Variants in NEDD9 observed in about 807,000 individuals in gnomAD.
NEDD9 encodes neural precursor cell expressed, developmentally down-regulated 9.
In NEDD9, 26 loss-of-function variants were observed where a neutral mutation model predicts 76.6. That is an observed-to-expected ratio of 0.34 (90% CI 0.25 to 0.47). The LOEUF is 0.47. Ranked by LOEUF, NEDD9 falls within the 20% of genes least tolerant of loss-of-function variation. The pLI is 1.00. For synonymous variants in NEDD9, 392 were observed against 414.2 expected (o/e 0.95, Z 0.65); for missense variants, 937 against 1,058.5 (o/e 0.89, Z 1.59).
At chr6:11,242,263 T>C (rs1342374809) in intron 3 of NEDD9, among the ~76,000 whole-genome samples, 1 of 152,204 alleles carries the variant, frequency 6.6e-6, no homozygotes, top group Non-Finnish European at 1.5e-5. Flanking sequence ...CGCTCACTGG[T>C]ACCCCTGAGC....
At chr6:11,281,629 C>T (rs961798465) in intron 3 of NEDD9, among the ~76,000 whole-genome samples, 7 of 152,226 alleles carry the variant, frequency 4.6e-5, no homozygotes, top group African/African-American at 7.2e-5. Flanking sequence ...GCTGGGATTA[C>T]AGGCATGAGC....
At chr6:11,287,524 C>CA (rs1760676910) in intron 3 of NEDD9, among the ~76,000 whole-genome samples, 1 of 148,526 alleles carries the variant, frequency 6.7e-6, no homozygotes. Flanking sequence ...GTGCACAAAT[C>CA]CACACACACA....
At chr6:11,236,965 A>G (rs1581976851), upstream of NEDD9, among the ~76,000 whole-genome samples, 1 of 152,134 alleles carries the variant, frequency 6.6e-6, no homozygotes, top group East Asian at 1.9e-4. This position sits in a 1 kb window ranked among gnomAD's most constrained non-coding sequence, Gnocchi z 5.5. Context: ...GTTGCCGGGA[A>G]CTTACTGATT....
chr6:11,252,981 GC>G lies in NEDD9; in HGVS notation c.13-39255del, dbSNP rs1480433970. 1.3e-5 allele frequency among the ~76,000 whole-genome samples: 2 copies of G among 151,994 alleles called. No individual in the cohort carries two copies. The highest frequency in any genetic ancestry group is 3.8e-4 in the East Asian group (2 of 5,200). ...TGTTTTTAATGCTTTCCTGGCAGTT[GC>G]CTAAGAACAAAACATTATCTTGTGG... On this transcript the variant is annotated intron_variant, in intron 3 of 3. Transcript: ENST00000397378. The surrounding 1 kb of genome is among the most constrained non-coding windows in gnomAD (Gnocchi z 4.3).
chr6:11,195,334 A>G (rs1014297400), intron 2 of NEDD9, among the ~76,000 whole-genome samples: 1 of 152,240 alleles, frequency 6.6e-6, no homozygotes, highest in Non-Finnish European at 1.5e-5. Flanking sequence ...GTCTGTTGGC[A>G]TGGAGCATAC....
chr6:11,326,584 C>T lies in NEDD9; in HGVS notation c.-153+7917G>A, dbSNP rs139396889. On this transcript the variant is annotated intron_variant, in intron 2 of 3. Transcript: ENST00000397378. ...TGGACATTCTAGACTTTCAGAGCGG[C>T]ATGGGTGGTGTTTTACATTGTATTT... Among the ~76,000 whole-genome samples the T allele has an allele frequency of 8.4e-3, 1,282 of 152,332 alleles. 7 individuals are homozygous for T. The highest frequency in any genetic ancestry group is 0.013 in the Non-Finnish European group (914 of 68,026).
intron 1 of NEDD9, among the ~76,000 whole-genome samples, chr6:11,350,877 T>G (rs1434064271): frequency 6.6e-6 from 1 of 152,070 alleles, no homozygotes; most frequent in East Asian, 1.9e-4. Context: ...CGGGGGGTGG[T>G]CAGAAAGGCG....
At chr6:11,249,362 G>C in intron 3 of NEDD9, 1 of 355,440 alleles carries the variant, frequency 2.8e-6, no homozygotes, top group Non-Finnish European at 5.5e-6. Context: ...TATAAAGTCT[G>C]TAGAGACCCA....
At chr6:11,200,614 G>A in intron 2 of NEDD9, 1 of 1,107,468 alleles carries the variant, frequency 9.0e-7, no homozygotes. Flanking sequence ...GAGAAATGAA[G>A]ATTTAATCAT....
intron 1 of NEDD9, among the ~76,000 whole-genome samples, chr6:11,373,578 T>C (rs1375070664): frequency 6.6e-6 from 1 of 152,244 alleles, no homozygotes; most frequent in African/African-American, 2.4e-5. Flanking sequence ...TCTGGCTGGC[T>C]TTCCTGCTGA....
intron 2 of NEDD9, among the ~76,000 whole-genome samples, chr6:11,319,865 TACAC>T (rs745780284): frequency 6.6e-6 from 1 of 151,824 alleles, no homozygotes; most frequent in African/African-American, 2.4e-5. Context: ...CACACACTCA[TACAC>T]ACTAACATGC....
chr6:11,262,605 C>A (rs573487521), intron 3 of NEDD9, among the ~76,000 whole-genome samples: 61 of 152,322 alleles, frequency 4.0e-4, no homozygotes, highest in African/African-American at 1.4e-3. Context: ...CAGTGTGGCT[C>A]CACATTTCCA....
At chr6:11,209,322 C>T (rs1436265980) in intron 2 of NEDD9, among the ~76,000 whole-genome samples, 1 of 152,164 alleles carries the variant, frequency 6.6e-6, no homozygotes, top group Non-Finnish European at 1.5e-5. Context: ...GCACAAAACA[C>T]AGAGTGAAAA....
intron 3 of NEDD9, among the ~76,000 whole-genome samples, chr6:11,269,502 C>T (rs2113339372): frequency 6.6e-6 from 1 of 152,272 alleles, no homozygotes; most frequent in African/African-American, 2.4e-5. Context: ...CTTTTCTTTC[C>T]AGAAAATGCA....
At chr6:11,319,335 C>A (rs998091788) in intron 2 of NEDD9, among the ~76,000 whole-genome samples, 3 of 151,686 alleles carry the variant, frequency 2.0e-5, no homozygotes, top group Non-Finnish European at 2.9e-5. Flanking sequence ...TCTCACACAC[C>A]CACACACTCA....
intron 1 of NEDD9, among the ~76,000 whole-genome samples, chr6:11,342,487 A>G (rs1439893062): frequency 6.6e-6 from 1 of 152,232 alleles, no homozygotes; most frequent in East Asian, 1.9e-4. Flanking sequence ...GCTCATCAGA[A>G]ACAGTAGAGG....
intron 5 of NEDD9, among the ~76,000 whole-genome samples, chr6:11,189,172 C>G (rs1408070278): frequency 6.6e-6 from 1 of 152,182 alleles, no homozygotes; most frequent in Non-Finnish European, 1.5e-5. Context: ...GTCTTGAACT[C>G]CTGACCTTGT....
chr6:11,299,196 C>T (rs201187534), intron 3 of NEDD9, among the ~76,000 whole-genome samples: 140 of 152,144 alleles, frequency 9.2e-4, no homozygotes, highest in African/African-American at 3.1e-3. Flanking sequence ...CCTCCTGTGC[C>T]GGCTCAGTGG....
chr6:11,183,743 G>C lies in NEDD9; in HGVS notation c.*1419C>G, dbSNP rs1163368330. ...GTTTAAAACAAGCAAGCTTAATTCAGTCAGGCATATATTGCAAATAAAAAC... is the reference window on the plus strand; with the variant it reads ...GTTTAAAACAAGCAAGCTTAATTCACTCAGGCATATATTGCAAATAAAAAC... On this transcript the variant is annotated 3_prime_UTR_variant, in exon 7 of 7. Transcript: ENST00000379446. The C allele has an allele frequency of 6.6e-6, 1 of 152,072 alleles. No individual in the cohort carries two copies. Among genetic ancestry groups the C allele is most frequent in the African/African-American group, 2.4e-5 (1 of 41,390 alleles). The allele number at this position is 152,072 out of a possible 1,614,324, so 9.4% of individuals were successfully genotyped here. A position where few individuals can be genotyped will look rare whatever the true frequency, so the allele number is the denominator to read the frequency against.
Sources: gnomAD v4.1 joint callset for allele counts (sites outside exome capture counted in the v4.1 genomes callset) on GRCh38, gnomAD v4.1.1 for gene constraint, Gnocchi (gnomAD v3.1) non-coding constraint, MANE v1.5 for transcripts, NCBI Gene and HGNC (gene_info 2026-07-23, HGNC 2026-07-21) for gene names.